ABCG2: variants seen among roughly 807,000 people sequenced by gnomAD.
ABCG2 encodes the protein broad substrate specificity ATP-binding cassette transporter ABCG2.
Under a neutral mutation model 73.5 loss-of-function variants are expected in ABCG2, and 80 were observed. The observed-to-expected ratio is 1.09, with a 90% CI of 0.91 to 1.31. ABCG2 has a LOEUF of 1.31. ABCG2 is among the 50% of genes most tolerant of loss of function. The probability of loss-of-function intolerance (pLI) is 0.00; values close to 1 mark genes in which losing one functional copy is unlikely to be tolerated. For synonymous variants in ABCG2, 269 were observed against 282.4 expected (o/e 0.95, Z 0.48); for missense variants, 796 against 786.2 (o/e 1.01, Z -0.15).
chr4:88,139,008 GCA>G (rs1320837927), intron 2 of ABCG2, among the ~76,000 whole-genome samples: 8 of 151,960 alleles, frequency 5.3e-5, no homozygotes, highest in African/African-American at 1.9e-4. Flanking sequence ...AGGCATGGTG[GCA>G]CACACCTGTA....
intron 11 of ABCG2, 110 bp from the exon 12 acceptor site, chr4:88,099,558 A>G (rs949957803): frequency 8.8e-7 from 1 of 1,134,176 alleles, no homozygotes; most frequent in Non-Finnish European, 1.2e-6. Context: ...TGAACAAGCC[A>G]GCTTCCCACA....
chr4:88,202,047 A>G (rs1322025747), intron 1 of ABCG2, among the ~76,000 whole-genome samples: 1 of 152,044 alleles, frequency 6.6e-6, no homozygotes, highest in African/African-American at 2.4e-5. Flanking sequence ...AAATTCAGCA[A>G]TATCTAAAGA....
At position 88,151,429 on chromosome 4, in the gene ABCG2, C is replaced by T. The variant is rs954540965; in HGVS notation, c.-20+6957G>A. Among the ~76,000 whole-genome samples the T allele has an allele frequency of 8.5e-5, 13 of 152,260 alleles. No individual in the cohort carries two copies. In the East Asian group the frequency reaches 2.1e-3, roughly 25 times the overall value. The stretch of plus-strand genomic sequence containing the variant: ...CCCTTCCAGTTTATAATTCAATCAT[C>T]GGAATTGCAGTAAAAATTATGAACA... On this transcript the variant is annotated intron_variant, in intron 1 of 15. Transcript: ENST00000237612.
chr4:88,222,468 TA>T (rs887962619), intron 1 of ABCG2, among the ~76,000 whole-genome samples: 1 of 151,880 alleles, frequency 6.6e-6, no homozygotes, highest in African/African-American at 2.4e-5. Flanking sequence ...TTTGAGGGTT[TA>T]AAAAAAATAG....
chr4:88,148,390 A>G (rs60856028), intron 1 of ABCG2, among the ~76,000 whole-genome samples: 1,805 of 152,302 alleles, frequency 0.012, 34 homozygotes, highest in African/African-American at 0.041. Context: ...TATACCATTC[A>G]TGAGGCTGGA....
upstream of ABCG2, chr4:88,163,439 A>G (rs1022645437): frequency 1.3e-5 from 2 of 158,514 alleles, no homozygotes; most frequent in Non-Finnish European, 2.8e-5. Flanking sequence ...AGGACAAGCC[A>G]TAAAGAAAGA....
At chr4:88,112,678 C>CCCCAA (rs1723221567) in intron 9 of ABCG2, among the ~76,000 whole-genome samples, 1 of 152,110 alleles carries the variant, frequency 6.6e-6, no homozygotes, top group South Asian at 2.1e-4. Flanking sequence ...CAAAAGTGAA[C>CCCCAA]AGCTACCAGA....
chr4:88,167,404 C>T (rs1404389102), intron 1 of ABCG2, among the ~76,000 whole-genome samples: 3 of 129,488 alleles, frequency 2.3e-5, no homozygotes, highest in Non-Finnish European at 4.7e-5. Flanking sequence ...GATGGAGTCT[C>T]GCCCTGTTGC....
chr4:88,095,482 T>G, intron 14 of ABCG2, 38 bp downstream of exon 14: 3 of 1,542,912 alleles, frequency 1.9e-6, no homozygotes, highest in Non-Finnish European at 2.7e-6. Flanking sequence ...GTTCCTAGCT[T>G]GGGAATGCAG....
At chr4:88,121,585 A>T (rs1360500534) in intron 6 of ABCG2, 50 bp downstream of exon 6, 1 of 1,546,014 alleles carries the variant, frequency 6.5e-7, no homozygotes, top group East Asian at 2.3e-5. Flanking sequence ...TATCTGGGAC[A>T]TAGTAGTGAT....
At chr4:88,179,927 C>A (rs1167632435) in intron 1 of ABCG2, among the ~76,000 whole-genome samples, 1 of 151,954 alleles carries the variant, frequency 6.6e-6, no homozygotes, top group African/African-American at 2.4e-5. Flanking sequence ...ATGAAGCATG[C>A]CAACAAAATC....
At chr4:88,122,805 G>A (rs1180177737) in intron 5 of ABCG2, among the ~76,000 whole-genome samples, 1 of 152,252 alleles carries the variant, frequency 6.6e-6, no homozygotes, top group Non-Finnish European at 1.5e-5. Context: ...CACAGCGCTA[G>A]AGCTCTGCTA....
At chr4:88,098,442 T>C (rs1722133508) in intron 12 of ABCG2, among the ~76,000 whole-genome samples, 2 of 147,982 alleles carry the variant, frequency 1.4e-5, no homozygotes, top group African/African-American at 5.0e-5. Flanking sequence ...CAAACAAGTA[T>C]TTTTTTTTTA....
chr4:88,111,517 CATATATACAT>C (rs762558328), intron 9 of ABCG2, among the ~76,000 whole-genome samples: 30 of 151,844 alleles, frequency 2.0e-4, no homozygotes, highest in Admixed American at 3.9e-4. Context: ...TGTGGCTATA[CATATATACAT>C]ATATATACAT....
At chr4:88,145,512 G>A (rs1248981863) in intron 1 of ABCG2, among the ~76,000 whole-genome samples, 1 of 152,164 alleles carries the variant, frequency 6.6e-6, no homozygotes, top group Admixed American at 6.5e-5. Context: ...GCAGCACAGT[G>A]ATCTGGAGAA....
At chr4:88,130,678 T>C (rs180710026) in intron 5 of ABCG2, among the ~76,000 whole-genome samples, 69 of 151,698 alleles carry the variant, frequency 4.5e-4, no homozygotes, top group Middle Eastern at 3.4e-3. Context: ...TCAATAGCAA[T>C]GGAACAAAGT....
rs1729593247 is a variant in ABCG2, at chr4:88,211,373, A to ACT, written c.-20+19619_-20+19620dup. Among the ~76,000 whole-genome samples the ACT allele has an allele frequency of 2.2e-3, 38 of 17,196 alleles. 2 individuals are homozygous for ACT. Among genetic ancestry groups the ACT allele is most frequent in the African/African-American group, 9.3e-3 (36 of 3,872 alleles). The allele number at this position is 17,196 out of a possible 152,430, so 11.3% of individuals were successfully genotyped here. Reference sequence around the variant, plus strand: ...TTCAACCCCTGCCCCACCCCCCCCCACTTTTGGAGACCCCAGTGTCTGTTA... The same window carrying ACT: ...TTCAACCCCTGCCCCACCCCCCCCCACTCTTTTGGAGACCCCAGTGTCTGTTA... On this transcript the variant is annotated intron_variant, in intron 1 of 15. Coordinates refer to the ABCG2 transcript ENST00000515655.
At chr4:88,181,419 A>AAAAAAAAAAAAAAAAAAAAAAAC in intron 1 of ABCG2, among the ~76,000 whole-genome samples, 1 of 119,526 alleles carries the variant, frequency 8.4e-6, no homozygotes, top group Non-Finnish European at 1.8e-5. Flanking sequence ...AAAAAAAAAA[A>AAAAAAAAAAAAAAAAAAAAAAAC]AAAAGAATGG....
At chr4:88,165,263 A>C (rs1727471895) in intron 1 of ABCG2, among the ~76,000 whole-genome samples, 3 of 152,226 alleles carry the variant, frequency 2.0e-5, no homozygotes, top group Non-Finnish European at 4.4e-5. Flanking sequence ...AATAGCCACA[A>C]ACTTAGTGGT....
Sources: gnomAD v4.1 joint callset for allele counts (sites outside exome capture counted in the v4.1 genomes callset) on GRCh38, gnomAD v4.1.1 for gene constraint, MANE v1.5 for transcripts, NCBI Gene and HGNC (gene_info 2026-07-23, HGNC 2026-07-21) for gene names.